The following C12orf42 variants were observed in gnomAD, a reference collection of about 807,000 sequenced individuals.
C12orf42 encodes uncharacterized protein C12orf42.
A neutral mutation model predicts 21.6 loss-of-function variants in C12orf42; 25 were observed. The observed-to-expected ratio is 1.16, with a 90% confidence interval of 0.84 to 1.62. The LOEUF (loss-of-function observed/expected upper bound fraction) is 1.62. C12orf42 is among the 40% of genes most tolerant of loss of function. The pLI is 0.00. For synonymous variants in C12orf42, 174 were observed against 175.0 expected, an observed-to-expected ratio of 0.99 and a Z score of 0.05; for missense variants, 483 against 459.3, an observed-to-expected ratio of 1.05 and a Z score of -0.47.
At chr12:103,502,948 A>G in the C12orf42 span, among the ~76,000 whole-genome samples, 1 of 152,188 alleles carries the variant, frequency 6.6e-6, no homozygotes, top group Non-Finnish European at 1.5e-5. Context: ...CTACAAACCC[A>G]CTGTAATTTT....
chr12:103,116,093 G>A, the C12orf42 span, among the ~76,000 whole-genome samples: 1 of 152,152 alleles, frequency 6.6e-6, no homozygotes, highest in Non-Finnish European at 1.5e-5. Flanking sequence ...CGGGCGCAGT[G>A]GCTCACGCCT....
At chr12:103,492,552 A>G (rs992642054) in intron 1 of C12orf42, among the ~76,000 whole-genome samples, 3 of 152,134 alleles carry the variant, frequency 2.0e-5, no homozygotes, top group Admixed American at 1.3e-4. Flanking sequence ...CATCCATTTG[A>G]TCATAATCTT....
chr12:103,553,580 TTA>T, the C12orf42 span, among the ~76,000 whole-genome samples: 1 of 152,312 alleles, frequency 6.6e-6, no homozygotes, highest in East Asian at 1.9e-4. Context: ...TTAGTGTTAT[TTA>T]TAAGACCATA....
At chr12:103,169,181 T>C in the C12orf42 span, among the ~76,000 whole-genome samples, 33 of 149,186 alleles carry the variant, frequency 2.2e-4, no homozygotes, top group African/African-American at 7.8e-4. Flanking sequence ...AATAAATAAA[T>C]AAATAAATAA....
chr12:103,169,653 CA>C, the C12orf42 span, among the ~76,000 whole-genome samples: 1 of 151,972 alleles, frequency 6.6e-6, no homozygotes, highest in Non-Finnish European at 1.5e-5. Context: ...AATGCTACTA[CA>C]GTGTTATAGT....
the C12orf42 span, among the ~76,000 whole-genome samples, chr12:103,550,875 C>G: frequency 2.0e-5 from 3 of 152,052 alleles, no homozygotes; most frequent in East Asian, 5.8e-4. Flanking sequence ...GATATTAGCC[C>G]TTGTTATATC....
chr12:103,376,659 G>A (rs894356777), intron 3 of C12orf42, among the ~76,000 whole-genome samples: 1 of 152,096 alleles, frequency 6.6e-6, no homozygotes, highest in Non-Finnish European at 1.5e-5. Context: ...TGAGCTATCT[G>A]GGAGATGTTT....
chr12:103,083,727 CA>C, the C12orf42 span, among the ~76,000 whole-genome samples: 2 of 152,130 alleles, frequency 1.3e-5, no homozygotes, highest in African/African-American at 4.8e-5. Flanking sequence ...AACATGTGAA[CA>C]GAGTCTTTTG....
the C12orf42 span, among the ~76,000 whole-genome samples, chr12:103,519,125 C>T: frequency 6.6e-6 from 1 of 152,236 alleles, no homozygotes; most frequent in Admixed American, 6.5e-5. Context: ...TTGCTTGGCA[C>T]TTCTCCTTTC....
chr12:103,089,904 C>T, the C12orf42 span, among the ~76,000 whole-genome samples: 1 of 152,116 alleles, frequency 6.6e-6, no homozygotes, highest in Non-Finnish European at 1.5e-5. Flanking sequence ...AGACAGTTAC[C>T]TGGAAAACCT....
the C12orf42 span, among the ~76,000 whole-genome samples, chr12:103,202,424 A>T: frequency 1.4e-4 from 22 of 152,292 alleles, no homozygotes; most frequent in South Asian, 4.6e-3. Flanking sequence ...GTGTAGAGGG[A>T]CAAGGATTTG....
At chr12:103,377,538 G>A (rs190565625) in intron 3 of C12orf42, among the ~76,000 whole-genome samples, 21 of 152,050 alleles carry the variant, frequency 1.4e-4, no homozygotes, top group Non-Finnish European at 2.6e-4. Flanking sequence ...GAAAGGGCCC[G>A]AGTGTCCCAC....
the C12orf42 span, among the ~76,000 whole-genome samples, chr12:103,117,467 A>T: frequency 2.0e-5 from 3 of 152,150 alleles, no homozygotes; most frequent in Non-Finnish European, 4.4e-5. Flanking sequence ...TTTGCACTTA[A>T]TTTTGTTTAA....
chr12:103,113,469 C>T, the C12orf42 span, among the ~76,000 whole-genome samples: 2 of 149,686 alleles, frequency 1.3e-5, no homozygotes, highest in South Asian at 2.1e-4. Context: ...TCCCACATTC[C>T]GGGGTATGGA....
the C12orf42 span, among the ~76,000 whole-genome samples, chr12:103,093,624 C>A: frequency 3.3e-5 from 5 of 152,176 alleles, no homozygotes; most frequent in Non-Finnish European, 7.4e-5. Flanking sequence ...GATACCAGGA[C>A]TGACCACATT....
At chr12:103,267,530 G>A (rs1476240473), downstream of C12orf42, 1 of 151,822 alleles carries the variant, frequency 6.6e-6, no homozygotes, top group Non-Finnish European at 1.5e-5. Context: ...CAGACAAATA[G>A]TATCACAATT....
chr12:103,539,293 A>ATG, the C12orf42 span, among the ~76,000 whole-genome samples: 10 of 151,540 alleles, frequency 6.6e-5, no homozygotes, highest in South Asian at 2.1e-4. Context: ...GCATGTGTGT[A>ATG]TGTGTGTGTG....
intron 10 of C12orf42, among the ~76,000 whole-genome samples, chr12:103,250,439 C>T (rs763030694): frequency 1.3e-5 from 2 of 152,066 alleles, no homozygotes; most frequent in Non-Finnish European, 2.9e-5. Flanking sequence ...CCCAGAGATG[C>T]AGTACAATTG....
intron 10 of C12orf42, among the ~76,000 whole-genome samples, chr12:103,249,249 A>G (rs1310988860): frequency 9.2e-5 from 14 of 152,058 alleles, no homozygotes; most frequent in Non-Finnish European, 2.1e-4. Flanking sequence ...ATGTTTTTTC[A>G]TTTAAACCTC....
Sources: gnomAD v4.1 joint callset for allele counts (sites outside exome capture counted in the v4.1 genomes callset) on GRCh38, gnomAD v4.1.1 for gene constraint, MANE v1.5 for transcripts, NCBI Gene and HGNC (gene_info 2026-07-23, HGNC 2026-07-21) for gene names.